ITIH5: variants seen among roughly 807,000 people sequenced by gnomAD.
The protein encoded by ITIH5 is inter-alpha-trypsin inhibitor heavy chain 5, also known as inter-alpha-trypsin inhibitor heavy chain H5.
Under a neutral mutation model 77.5 loss-of-function variants are expected in ITIH5, and 65 were observed. The observed-to-expected ratio is 0.84, with a 90% confidence interval of 0.69 to 1.03. The LOEUF is 1.03. Among genes scored for constraint, ITIH5 ranks in the 50% least tolerant of loss-of-function variants. The pLI, the probability that ITIH5 is intolerant of heterozygous loss-of-function variation, is 0.00. For missense variants in ITIH5, 1,208 were observed against 1,213.1 expected (o/e 1.00, Z 0.06); for synonymous variants, 525 against 494.3 (o/e 1.06, Z -0.82).
intron 2 of ITIH5, among the ~76,000 whole-genome samples, chr10:7,649,966 T>A (rs1423531035): frequency 6.6e-6 from 1 of 152,248 alleles, no homozygotes; most frequent in African/African-American, 2.4e-5. Context: ...TGTTTTGGGA[T>A]GTCCGCTGGA....
chr10:7,616,924 C>G (rs1324147218), intron 6 of ITIH5, among the ~76,000 whole-genome samples, 189 bp downstream of exon 6: 1 of 152,192 alleles, frequency 6.6e-6, no homozygotes, highest in Non-Finnish European at 1.5e-5. Context: ...CTGCAGATTA[C>G]TGAAGCTGGA....
chr10:7,655,610 A>G, intron 2 of ITIH5, 21 bp downstream of exon 2: 2 of 1,592,724 alleles, frequency 1.3e-6, no homozygotes, highest in African/African-American at 2.7e-5. Context: ...GACTTTCAAG[A>G]TGCACCATGA....
Position 7,666,805 on chromosome 10 carries a change from G to A in ITIH5, c.88C>T (p.Gln30Ter), listed in dbSNP as rs1834369959. ...EAQSWGHSSE[Q>*]DGLRVPRQVR... ...CGGCTCCCCTCGGCTCCACTTACCTGCTCCGAAGAGTGGCCCCAGCTCTGC... is the reference window on the plus strand; with the variant it reads ...CGGCTCCCCTCGGCTCCACTTACCTACTCCGAAGAGTGGCCCCAGCTCTGC... Residue 30 changes from glutamine (Q) to a stop codon, truncating the protein, a stop_gained and splice_region_variant, in exon 1 of 14, where the codon CAG becomes TAG. Transcript: ENST00000397146. LOFTEE classifies it high-confidence loss of function. 6.2e-7 allele frequency: 1 copy of A among 1,606,346 alleles called. No homozygotes were observed. Among genetic ancestry groups the A allele is most frequent in the Non-Finnish European group, 8.5e-7 (1 of 1,177,070 alleles).
intron 4 of ITIH5, among the ~76,000 whole-genome samples, 161 bp from the exon 5 acceptor site, chr10:7,637,639 A>G (rs1318244155): frequency 6.6e-6 from 1 of 152,162 alleles, no homozygotes; most frequent in Non-Finnish European, 1.5e-5. Context: ...AAAAATTCGT[A>G]TTAGAAGAAG....
intron 7 of ITIH5, among the ~76,000 whole-genome samples, chr10:7,603,647 G>A (rs11255230): frequency 0.59 from 89,301 of 151,998 alleles, 29,547 homozygotes; most frequent in Non-Finnish European, 0.72. Flanking sequence ...GCAGTGGCGC[G>A]ATCTTGGCTC....
At chr10:7,574,154 T>C (rs1412609979) in intron 10 of ITIH5, among the ~76,000 whole-genome samples, 1 of 152,220 alleles carries the variant, frequency 6.6e-6, no homozygotes, top group Admixed American at 6.5e-5. Context: ...TTTGAATAAA[T>C]ATTCAATGAA....
intron 5 of ITIH5, among the ~76,000 whole-genome samples, chr10:7,626,012 T>C (rs10795560): frequency 0.81 from 123,830 of 152,128 alleles, 50,542 homozygotes; most frequent in East Asian, 1. Context: ...AATGCATTAG[T>C]GCATAGCTGG....
Position 7,574,589 on chromosome 10 carries a change from T to C in ITIH5, c.1979-1394A>G, listed in dbSNP as rs184852284. Among the ~76,000 whole-genome samples the C allele has an allele frequency of 4.0e-3, 608 of 151,972 alleles. 5 individuals are homozygous for C. Among genetic ancestry groups the C allele is most frequent in the African/African-American group, 0.013 (519 of 41,468 alleles). ...TGGGCGGATCACAAGGTCAGGAGAT[T>C]GAGACCATCCTGGCTAACACGGTGA... On this transcript the variant is annotated intron_variant, in intron 10 of 13. Coordinates refer to ENST00000397146, the MANE Select transcript of ITIH5 (RefSeq NM_030569.7).
chr10:7,576,219 G>T (rs188939159), intron 10 of ITIH5, among the ~76,000 whole-genome samples: 239 of 152,210 alleles, frequency 1.6e-3, no homozygotes, highest in Non-Finnish European at 2.9e-3. Flanking sequence ...TAGAGACAGG[G>T]TCTCTCTGTG....
At chr10:7,665,178 C>T (rs1439173901) in intron 1 of ITIH5, among the ~76,000 whole-genome samples, 4 of 152,088 alleles carry the variant, frequency 2.6e-5, no homozygotes, top group Non-Finnish European at 4.4e-5. Flanking sequence ...AGAGGTCAAG[C>T]CATGTTTTTT....
At chr10:7,572,266 T>G (rs2275066) in intron 11 of ITIH5, 46,687 of 1,344,904 alleles carry the variant, frequency 0.035, 1,251 homozygotes, top group East Asian at 0.13. Flanking sequence ...CAGAGGATGA[T>G]CTGGACACAG....
At chr10:7,655,256 G>A (rs1305024465) in intron 2 of ITIH5, among the ~76,000 whole-genome samples, 2 of 152,098 alleles carry the variant, frequency 1.3e-5, no homozygotes, top group East Asian at 1.9e-4. Flanking sequence ...CTTTCATCAC[G>A]TGATGCTTTA....
intron 5 of ITIH5, chr10:7,620,307 A>G (rs1052438196): frequency 2.0e-5 from 3 of 152,258 alleles, no homozygotes; most frequent in African/African-American, 7.2e-5. Context: ...ACATGGTTGA[A>G]CCTCACAGTC....
chr10:7,590,151 G>C (rs1382663414), intron 7 of ITIH5, among the ~76,000 whole-genome samples: 1 of 152,086 alleles, frequency 6.6e-6, no homozygotes, highest in Non-Finnish European at 1.5e-5. Flanking sequence ...GTGGAGAATG[G>C]AACCTTCATC....
Position 7,569,756 on chromosome 10 carries a change from A to G in ITIH5, c.2061T>C (p.Asp687=), listed in dbSNP as rs1290786530. Residue 687 remains aspartate, a synonymous_variant, in exon 12 of 14, where the codon GAT becomes GAC. Transcript: ENST00000397146. ...ACACGGTGAGTCTGCTCAGGGGGAA[A>G]TCCACAACAAAGTGGGGATCACCAT... The part of the protein sequence containing the change: ...SVDGDPHFVV[D]FPLSRLTVCF... 2 of 1,611,108 alleles carry G rather than the reference A, an allele frequency of 1.2e-6. No individual in the cohort carries two copies. Among genetic ancestry groups the G allele is most frequent in the Non-Finnish European group, 8.5e-7 (1 of 1,179,036 alleles).
At chr10:7,564,654 G>A (rs956810616) in intron 13 of ITIH5, among the ~76,000 whole-genome samples, 17 of 151,996 alleles carry the variant, frequency 1.1e-4, no homozygotes, top group Admixed American at 7.2e-4. Context: ...AGATGGTCAC[G>A]TAATGACCAA....
At chr10:7,588,872 C>T (rs1407209058) in intron 7 of ITIH5, among the ~76,000 whole-genome samples, 2 of 152,254 alleles carry the variant, frequency 1.3e-5, no homozygotes, top group Non-Finnish European at 2.9e-5. Flanking sequence ...TCCCATTTTA[C>T]AGATGGGGCA....
chr10:7,608,359 A>C (rs965737368), intron 7 of ITIH5, among the ~76,000 whole-genome samples: 2 of 152,218 alleles, frequency 1.3e-5, no homozygotes, highest in Non-Finnish European at 2.9e-5. Context: ...AGCTCACTGC[A>C]GTCTCGACCT....
chr10:7,615,011 G>A (rs924477602), intron 7 of ITIH5, among the ~76,000 whole-genome samples: 1 of 152,192 alleles, frequency 6.6e-6, no homozygotes, highest in Non-Finnish European at 1.5e-5. Flanking sequence ...ACTTTGGGAG[G>A]CCGAGACAGG....
Sources: allele counts gnomAD v4.1 joint callset (sites outside exome capture counted in the v4.1 genomes callset), GRCh38; gene constraint gnomAD v4.1.1; transcripts MANE v1.5; gene names NCBI Gene and HGNC (gene_info 2026-07-23, HGNC 2026-07-21).